ADAMTS9: variants seen among roughly 807,000 people sequenced by gnomAD.
ADAMTS9 encodes the protein A disintegrin and metalloproteinase with thrombospondin motifs 9.
Under a neutral mutation model 257.1 loss-of-function variants are expected in ADAMTS9, and 107 were observed. The ratio of observed to expected loss-of-function variants is 0.42; its 90% CI spans 0.36 to 0.49. The LOEUF (loss-of-function observed/expected upper bound fraction) is 0.49. Ranked by LOEUF, ADAMTS9 falls within the 20% of genes least tolerant of loss-of-function variation. The pLI is 0.03. For synonymous variants in ADAMTS9, 982 were observed against 880.9 expected (o/e 1.11, Z -2.03); for missense variants, 2,353 against 2,469.1 (o/e 0.95, Z 1.00).
chr3:64,554,844 A>T (rs890765420), intron 30 of ADAMTS9, among the ~76,000 whole-genome samples: 1 of 149,466 alleles, frequency 6.7e-6, no homozygotes, highest in Non-Finnish European at 1.5e-5. Flanking sequence ...GACCTAAAGT[A>T]AACCCTGAAG....
At chr3:64,565,641 T>A (rs2083526171) in intron 29 of ADAMTS9, 1 of 152,252 alleles carries the variant, frequency 6.6e-6, no homozygotes, top group South Asian at 2.1e-4. Context: ...AGCGATAGGA[T>A]AAGTTAAAAA....
intron 30 of ADAMTS9, chr3:64,561,338 T>TTTTTG: frequency 5.9e-6 from 2 of 337,394 alleles, no homozygotes; most frequent in Admixed American, 4.7e-5. Context: ...TTTTTTTTTT[T>TTTTTG]GAGGCGGCCA....
At chr3:64,608,171 A>C (rs933548511) in intron 22 of ADAMTS9, among the ~76,000 whole-genome samples, 3 of 135,176 alleles carry the variant, frequency 2.2e-5, no homozygotes, top group African/African-American at 9.7e-5. Context: ...TACACTAATA[A>C]AGAAAAAAAA....
intron 37 of ADAMTS9, among the ~76,000 whole-genome samples, chr3:64,537,070 C>T (rs2083060760): frequency 6.6e-6 from 1 of 152,198 alleles, no homozygotes; most frequent in African/African-American, 2.4e-5. Context: ...AAACTCACAT[C>T]TTGCATCAGT....
In ADAMTS9 at chr3:64,633,798, C is replaced by T; in HGVS notation, c.1938G>A (p.Lys646=). The T allele has an allele frequency of 6.2e-7, 1 of 1,613,190 alleles. No individual in the cohort carries two copies. Among genetic ancestry groups the T allele is most frequent in the East Asian group, 2.2e-5 (1 of 44,790 alleles). Residue 646 remains lysine (K), a synonymous_variant, in exon 13 of 40, where the codon AAG becomes AAA. Coordinates refer to ENST00000498707, the MANE Select transcript of ADAMTS9 (RefSeq NM_182920.2). ...SCNTEPCLKQ[K]RDFRDEQCAH... is the part of the protein sequence containing the mutation. Reference sequence around the variant, plus strand: ...CACACTGTTCATCTCGGAAGTCTCGCTTCTGCTTGAGACATGGCTCCGTGT... The same window carrying T: ...CACACTGTTCATCTCGGAAGTCTCGTTTCTGCTTGAGACATGGCTCCGTGT...
At chr3:64,649,263 A>G in intron 10 of ADAMTS9, among the ~76,000 whole-genome samples, 1 of 152,136 alleles carries the variant, frequency 6.6e-6, no homozygotes, top group East Asian at 1.9e-4. Context: ...GAGTCCCTAT[A>G]ATTTAGGTCA....
In ADAMTS9 at chr3:64,679,268, A is replaced by G. The variant is rs556111419; in HGVS notation, c.679+1933T>C. ...TTTTTGAATCACAGTACTAATTAAG[A>G]CTTTCTCTTTCTGCCCCCTCTCTCT... On this transcript the variant is annotated intron_variant, in intron 3 of 39. Coordinates refer to ENST00000498707, the MANE Select transcript of ADAMTS9 (RefSeq NM_182920.2). Among the ~76,000 whole-genome samples the G allele has an allele frequency of 4.6e-5, 7 of 152,280 alleles. No individual in the cohort carries two copies. The South Asian group carries it at 1.5e-3, about 32-fold the overall frequency.
Position 64,616,082 on chromosome 3 carries a change from G to A in ADAMTS9, c.2902C>T (p.Leu968=). 6.2e-7 allele frequency: 1 copy of A among 1,614,052 alleles called. No individual in the cohort carries two copies. Among genetic ancestry groups the A allele is most frequent in the Non-Finnish European group, 8.5e-7 (1 of 1,179,998 alleles). Residue 968 remains leucine (L), a synonymous_variant, in exon 20 of 40, where the codon CTG becomes TTG. Transcript: ENST00000498707. The part of the protein sequence containing the change: ...LDIYCAKYSR[L]DGKTEKVDDG... ...TCAACCTTCTCAGTCTTCCCATCCA[G>A]CCTGCTATATTTGGCACAGTAGATG...
At chr3:64,642,234 C>T (rs1421902907) in intron 11 of ADAMTS9, among the ~76,000 whole-genome samples, 1 of 152,144 alleles carries the variant, frequency 6.6e-6, no homozygotes, top group Non-Finnish European at 1.5e-5. Flanking sequence ...TGGCTCCAGG[C>T]TGACAGGGTA....
In ADAMTS9 at chr3:64,604,304, G is replaced by T; in HGVS notation, c.3502C>A (p.Pro1168Thr). Residue 1168 changes from proline (P) to threonine (T), a missense_variant, in exon 24 of 40, where the codon CCC becomes ACC. This residue lies in a region of ADAMTS9 where 1,402 missense variants were observed against 1,441.4 expected (regional missense o/e 0.97). Transcript: ENST00000498707. ...QDCELPSCHPPPAAPETRRST... is the reference protein window; with the variant it reads ...QDCELPSCHPTPAAPETRRST... The stretch of plus-strand genomic sequence containing the variant: ...CTCCTCGTTTCCGGGGCAGCTGGGG[G>T]AGGATGACATGATGGTAATTCACAG... The T allele has an allele frequency of 1.2e-6, 2 of 1,612,734 alleles. No individual in the cohort carries two copies. The highest frequency in any genetic ancestry group is 1.1e-5 in the South Asian group (1 of 90,782).
intron 20 of ADAMTS9, among the ~76,000 whole-genome samples, chr3:64,615,748 T>TAC (rs2084750204): frequency 6.6e-6 from 1 of 152,176 alleles, no homozygotes; most frequent in African/African-American, 2.4e-5. Flanking sequence ...GTTGTTCCAC[T>TAC]TCTTCCAAAT....
In ADAMTS9 at chr3:64,633,178, A is replaced by C. The variant is rs529744257; in HGVS notation, c.2175+294T>G. ...TGCTTAAGCACTGAGTTTATAGCAAAGGAGTGTGGGTGTAAATTGTTACAA... is the reference window on the plus strand; with the variant it reads ...TGCTTAAGCACTGAGTTTATAGCAACGGAGTGTGGGTGTAAATTGTTACAA... On this transcript the variant is annotated intron_variant, in intron 14 of 39. Coordinates refer to ENST00000498707, the MANE Select transcript of ADAMTS9 (RefSeq NM_182920.2). 2.0e-5 allele frequency among the ~76,000 whole-genome samples: 3 copies of C among 152,342 alleles called. No individual in the cohort carries two copies. The East Asian group carries it at 5.8e-4, about 29-fold the overall frequency.
chr3:64,564,880 T>G (rs2083503926), intron 29 of ADAMTS9, among the ~76,000 whole-genome samples: 1 of 152,122 alleles, frequency 6.6e-6, no homozygotes, highest in African/African-American at 2.4e-5. Context: ...AAAACAGAGA[T>G]AATCACCCGA....
chr3:64,666,357 G>T (rs1701354226), intron 3 of ADAMTS9, among the ~76,000 whole-genome samples: 1 of 152,196 alleles, frequency 6.6e-6, no homozygotes, highest in Non-Finnish European at 1.5e-5. Context: ...ATTTTGTAAG[G>T]TTTATCAAAA....
At chr3:64,552,450 C>CTAAGGA (rs1403193408) in intron 30 of ADAMTS9, among the ~76,000 whole-genome samples, 1 of 152,184 alleles carries the variant, frequency 6.6e-6, no homozygotes, top group Non-Finnish European at 1.5e-5. Context: ...CTAAGTGAAA[C>CTAAGGA]CTGTACCAAG....
chr3:64,687,195 T>C lies in ADAMTS9; in HGVS notation c.116-227A>G, dbSNP rs1388391194. On this transcript the variant is annotated intron_variant, in intron 1 of 39. Transcript: ENST00000498707. The surrounding 1 kb of genome is among the most constrained non-coding windows in gnomAD (Gnocchi z 4.4). ...TATTCCGAGCCAGACAATTAACAAG[T>C]CAAAATATATATGATTTCAGATATT... 6.6e-6 allele frequency among the ~76,000 whole-genome samples: 1 copy of C among 152,024 alleles called. No homozygotes were observed. Among genetic ancestry groups the C allele is most frequent in the Non-Finnish European group, 1.5e-5 (1 of 68,010 alleles).
chr3:64,545,707 T>C (rs1414804942), intron 32 of ADAMTS9, among the ~76,000 whole-genome samples: 1 of 152,128 alleles, frequency 6.6e-6, no homozygotes, highest in Non-Finnish European at 1.5e-5. Flanking sequence ...TGTATACATA[T>C]GTAACATACC....
intron 30 of ADAMTS9, among the ~76,000 whole-genome samples, chr3:64,552,321 AC>A (rs1383222303): frequency 1.3e-5 from 2 of 152,032 alleles, no homozygotes; most frequent in Non-Finnish European, 1.5e-5. Context: ...CCAACACCAA[AC>A]CCCACCCCTG....
At chr3:64,518,438 C>T (rs2082807816) in intron 39 of ADAMTS9, among the ~76,000 whole-genome samples, 1 of 152,112 alleles carries the variant, frequency 6.6e-6, no homozygotes, top group African/African-American at 2.4e-5. Context: ...CAGCTGAAGA[C>T]ATGGGGATGA....
Sources: allele counts gnomAD v4.1 joint callset (sites outside exome capture counted in the v4.1 genomes callset), GRCh38; gene constraint gnomAD v4.1.1; regional missense constraint gnomAD v4.1.1; non-coding constraint Gnocchi (gnomAD v3.1); transcripts MANE v1.5; gene names NCBI Gene and HGNC (gene_info 2026-07-23, HGNC 2026-07-21).